Variants in NBDY observed in about 807,000 individuals in gnomAD.
The protein encoded by NBDY is negative regulator of P-body association.
At chrX:56,791,794 C>A (rs1206831874) in intron 2 of NBDY, among the ~76,000 whole-genome samples, 1 of 109,797 alleles carries the variant, frequency 9.1e-6, no homozygotes, top group Non-Finnish European at 1.9e-5. Flanking sequence ...CTTTAATTTT[C>A]CTTTTTTTAT....
rs2069923420 is a variant in NBDY, at chrX:56,818,997, A to G, written c.*1844A>G. ...TGGTATCTACATGCAAAAAAAAAAC[A>G]AAAAAACAAAAAACTTCCACCCCTA... On this transcript the variant is annotated 3_prime_UTR_variant, in exon 3 of 3. Coordinates refer to ENST00000374922, the MANE Select transcript of NBDY (RefSeq NM_001348129.2). The G allele has an allele frequency of 6.8e-5, 1 of 14,704 alleles. No individual in the cohort carries two copies. The highest frequency in any genetic ancestry group is 1.6e-3 in the South Asian group (1 of 620). The allele number at this position is 14,704 out of a possible 1,213,427, so 1.2% of individuals were successfully genotyped here. A position where few individuals can be genotyped will look rare whatever the true frequency, so the allele number is the denominator to read the frequency against.
chrX:56,815,302 T>C (rs2069905805), intron 2 of NBDY, among the ~76,000 whole-genome samples: 1 of 112,061 alleles, frequency 8.9e-6, no homozygotes, highest in African/African-American at 3.2e-5. Context: ...TAGAGATTCA[T>C]TTAAATTAAA....
rs200403067 is a variant in NBDY at position 56,754,869 on chromosome X, AAAAC to A, written c.*166+22673_*166+22676del. 6.1e-3 allele frequency among the ~76,000 whole-genome samples: 679 copies of A among 111,880 alleles called. 6 individuals are homozygous for A. Among genetic ancestry groups the A allele is most frequent in the African/African-American group, 0.021 (652 of 30,857 alleles). On this transcript the variant is annotated intron_variant, in intron 2 of 2. Transcript: ENST00000374922. Reference sequence around the variant, plus strand: ...GGAGATAAACAAAACAGAGAATAGAAAAACAATAAAGGGAAAAACAAACCAAAAG... The same window carrying A: ...GGAGATAAACAAAACAGAGAATAGAAAATAAAGGGAAAAACAAACCAAAAG...
intron 2 of NBDY, among the ~76,000 whole-genome samples, chrX:56,810,412 C>T (rs746240083): frequency 3.6e-5 from 4 of 111,043 alleles, no homozygotes; most frequent in Non-Finnish European, 7.5e-5. Context: ...GGTCTTTCCA[C>T]ATAGTCCCAT....
chrX:56,815,813 A>G (rs759745535), intron 2 of NBDY, among the ~76,000 whole-genome samples: 1 of 112,110 alleles, frequency 8.9e-6, no homozygotes, highest in African/African-American at 3.2e-5. Flanking sequence ...ACAAACAGAA[A>G]GAGTTACATG....
At chrX:56,784,865 G>A (rs1050277256) in intron 2 of NBDY, among the ~76,000 whole-genome samples, 2 of 112,400 alleles carry the variant, frequency 1.8e-5, no homozygotes, top group African/African-American at 6.5e-5. Flanking sequence ...CTTGGGATGC[G>A]AAGCCATGAC....
intron 2 of NBDY, chrX:56,737,520 A>AT: frequency 2.1e-6 from 2 of 948,197 alleles, no homozygotes; most frequent in South Asian, 2.0e-5. Flanking sequence ...TTGTAATACC[A>AT]TTTTCGAATA....
chrX:56,816,381 G>T (rs937440125), intron 2 of NBDY, among the ~76,000 whole-genome samples: 2 of 111,072 alleles, frequency 1.8e-5, no homozygotes, highest in African/African-American at 6.5e-5. Context: ...TATCTCTATC[G>T]TAATTTTAAT....
At chrX:56,786,629 C>G (rs2069729644) in intron 2 of NBDY, among the ~76,000 whole-genome samples, 2 of 76,603 alleles carry the variant, frequency 2.6e-5, no homozygotes. Context: ...CCTTCTCCTT[C>G]TTTCTGCTTC....
chrX:56,765,557 A>G (rs2069661169), intron 2 of NBDY, among the ~76,000 whole-genome samples: 1 of 111,196 alleles, frequency 9.0e-6, no homozygotes, highest in African/African-American at 3.3e-5. Flanking sequence ...CCCTCGTTGT[A>G]TGTCACCACG....
At chrX:56,810,594 T>C (rs964881803) in intron 2 of NBDY, among the ~76,000 whole-genome samples, 37 of 110,175 alleles carry the variant, frequency 3.4e-4, no homozygotes, top group South Asian at 3.9e-4. Flanking sequence ...GTTTTTCAGC[T>C]CCATCAGGTC....
At chrX:56,781,920 T>C (rs758129990) in intron 2 of NBDY, among the ~76,000 whole-genome samples, 178 of 111,909 alleles carry the variant, frequency 1.6e-3, no homozygotes, top group Non-Finnish European at 3.0e-3. Flanking sequence ...GCCTTGGTTT[T>C]GTAGACTTTG....
chrX:56,761,580 C>A (rs1038407851), intron 2 of NBDY, among the ~76,000 whole-genome samples: 56 of 113,235 alleles, frequency 4.9e-4, no homozygotes, highest in African/African-American at 1.8e-3. Context: ...TCGCTGTCAT[C>A]CTCATTGCTC....
intron 2 of NBDY, among the ~76,000 whole-genome samples, chrX:56,766,393 CAGA>C (rs2069665880): frequency 9.0e-6 from 1 of 111,576 alleles, no homozygotes; most frequent in South Asian, 3.7e-4. Flanking sequence ...AAGAGACCCC[CAGA>C]AGAAGAAATA....
At chrX:56,764,702 C>CAA (rs10623590) in intron 2 of NBDY, among the ~76,000 whole-genome samples, 6,464 of 60,692 alleles carry the variant, frequency 0.11, 793 homozygotes, top group African/African-American at 0.3. Flanking sequence ...AAACAAACAC[C>CAA]AAAAAAAAAA....
intron 2 of NBDY, among the ~76,000 whole-genome samples, chrX:56,801,196 C>T (rs761654865): frequency 2.7e-5 from 3 of 112,037 alleles, no homozygotes; most frequent in Non-Finnish European, 5.6e-5. Context: ...CTCTTTGCCT[C>T]TTGTTGTGTA....
chrX:56,782,697 G>A (rs1407988459), intron 2 of NBDY, among the ~76,000 whole-genome samples: 1 of 111,300 alleles, frequency 9.0e-6, no homozygotes, highest in Middle Eastern at 4.2e-3. Context: ...TAGGAAGTTT[G>A]GCAAGTTGTC....
At chrX:56,736,406 C>T (rs769941322) in intron 2 of NBDY, among the ~76,000 whole-genome samples, 1 of 111,477 alleles carries the variant, frequency 9.0e-6, no homozygotes, top group East Asian at 2.8e-4. Flanking sequence ...CTGGGACCAC[C>T]GGTGCCCGCC....
intron 2 of NBDY, among the ~76,000 whole-genome samples, chrX:56,739,285 TA>T (rs1210168448): frequency 1.9e-4 from 8 of 42,601 alleles, no homozygotes; most frequent in Non-Finnish European, 2.4e-4. Context: ...TATATATTTT[TA>T]TATATATATA....
Sources: gnomAD v4.1 joint callset for allele counts (sites outside exome capture counted in the v4.1 genomes callset) on GRCh38, gnomAD v4.1.1 for gene constraint, MANE v1.5 for transcripts, NCBI Gene and HGNC (gene_info 2026-07-23, HGNC 2026-07-21) for gene names.